Variants in ZNF318 observed in about 807,000 individuals in gnomAD.
The protein encoded by ZNF318 is zinc finger protein 318, also known as endocrine regulator.
A neutral mutation model predicts 124.2 loss-of-function variants in ZNF318; 51 were observed. That is an observed-to-expected ratio of 0.41 (90% confidence interval 0.33 to 0.52). The LOEUF is 0.52. ZNF318 is among the 20% of genes least tolerant of loss of function. The pLI is 0.23. For missense variants in ZNF318, 2,815 were observed against 2,811.2 expected (o/e 1.00, Z -0.03); for synonymous variants, 1,090 against 1,040.7 (o/e 1.05, Z -0.91).
At position 43,348,538 on chromosome 6, in the gene ZNF318, A is replaced by C. The variant is rs754154273; in HGVS notation, c.2858T>G (p.Met953Arg). 6.2e-7 allele frequency: 1 copy of C among 1,614,112 alleles called. No individual in the cohort carries two copies. The highest frequency in any genetic ancestry group is 8.5e-7 in the Non-Finnish European group (1 of 1,180,022). The change falls in exon 6 of 10, where the codon ATG (methionine) becomes AGG (arginine). Residue 953 changes from methionine to arginine, a missense_variant. Physicochemically the swap from Met to Arg is moderately conservative, Grantham distance 91 (BLOSUM62 -1). This residue lies in a region of ZNF318 where 1,377 missense variants were observed against 1,353.5 expected (regional missense o/e 1.02). Coordinates refer to ENST00000361428, the MANE Select transcript of ZNF318 (RefSeq NM_014345.3). ...VEVSRLQDNIMKDIAELRQEA... is the reference protein window; with the variant it reads ...VEVSRLQDNIRKDIAELRQEA... ...TTGCCGTAGCTCTGCAATGTCCTTC[A>C]TAATGTTATCCTGAAGCCGACTCAC...
Position 43,348,610 on chromosome 6 carries a change from T to C in ZNF318, c.2786A>G (p.Lys929Arg). The stretch of plus-strand genomic sequence containing the variant: ...GTGGCCATCCTTCTCCCTTCGTTTC[T>C]TGCGCAGCATTTCTCCTGAGCAATC... Reference protein sequence around the residue: ...LHKQQGEMLRKKRREKDGHKD... With the variant: ...LHKQQGEMLRRKRREKDGHKD... The change falls in exon 6 of 10, where the codon AAG (lysine) becomes AGG (arginine). Residue 929 changes from lysine (K) to arginine (R), a missense_variant. Around this residue, in one of 4 missense-constraint regions of ZNF318, gnomAD observed 1,377 missense variants for 1,353.5 expected, o/e 1.02. Coordinates refer to ENST00000361428, the MANE Select transcript of ZNF318 (RefSeq NM_014345.3). The C allele has an allele frequency of 1.9e-6, 3 of 1,613,862 alleles. No homozygotes were observed. The highest frequency in any genetic ancestry group is 2.5e-6 in the Non-Finnish European group (3 of 1,179,844).
intron 1 of ZNF318, among the ~76,000 whole-genome samples, chr6:43,366,761 A>G (rs190511305): frequency 2.4e-3 from 373 of 152,284 alleles, no homozygotes; most frequent in South Asian, 9.5e-3. Flanking sequence ...AGCTATGATC[A>G]CACCACTACA....
chr6:43,364,581 G>A (rs1264865955), intron 2 of ZNF318, among the ~76,000 whole-genome samples: 1 of 152,146 alleles, frequency 6.6e-6, no homozygotes, highest in Non-Finnish European at 1.5e-5. Context: ...TAACAGTCAT[G>A]GTCTCAGCTC....
chr6:43,368,832 G>T, intron 1 of ZNF318, 135 bp downstream of exon 1: 2 of 1,233,714 alleles, frequency 1.6e-6, no homozygotes, highest in Non-Finnish European at 2.0e-6. Context: ...CTCCAGGCTC[G>T]GCATCCCCGA....
In ZNF318 at chr6:43,338,021, T is replaced by C; in HGVS notation, c.5977A>G (p.Ile1993Val). Residue 1993 changes from isoleucine (I) to valine (V), a missense_variant, in exon 10 of 10, where the codon ATA (isoleucine) becomes GTA (valine). Ile to Val is a conservative substitution (Grantham distance 29). Coordinates refer to ENST00000361428, the MANE Select transcript of ZNF318 (RefSeq NM_014345.3). ...AAGTCTTCTAGGGCCTTGCTTTCTA[T>C]TGTCACTGTTAACTCTGGATGGACA... is the stretch of plus-strand genomic sequence containing the variant. ...QDVHPELTVT[I>V]ESKALEDFEA... The C allele has an allele frequency of 4.3e-6, 7 of 1,614,228 alleles. No homozygotes were observed. The highest frequency in any genetic ancestry group is 1.1e-5 in the South Asian group (1 of 91,090).
chr6:43,340,537 T>C (rs1351509311), intron 9 of ZNF318, 35 bp from the exon 10 acceptor site: 1 of 1,548,564 alleles, frequency 6.5e-7, no homozygotes, highest in East Asian at 2.3e-5. Context: ...CAAAAACTGG[T>C]GAAAATACAA....
rs370649269 is a variant in ZNF318, at chr6:43,355,054, C to A, written c.2280G>T (p.Gln760His). ...ACTGAGAGGCCCTTGGCATGTGAAA[C>A]TGAGATAAAGCAGCAGTGTGTGGAA... ...IRLPHTAALS[Q>H]FHMPRASQFA... Residue 760 changes from glutamine (Q) to histidine (H), a missense_variant, in exon 4 of 10, where the codon CAG becomes CAT. Coordinates refer to ENST00000361428, the MANE Select transcript of ZNF318 (RefSeq NM_014345.3). 1.1e-5 allele frequency: 18 copies of A among 1,613,928 alleles called. No homozygotes were observed. The highest frequency in any genetic ancestry group is 1.5e-5 in the Non-Finnish European group (18 of 1,179,948).
Position 43,338,062 on chromosome 6 carries a change from G to C in ZNF318, c.5936C>G (p.Ala1979Gly). 2 of 1,614,188 alleles carry C rather than the reference G, an allele frequency of 1.2e-6. No individual in the cohort carries two copies. The highest frequency in any genetic ancestry group is 1.7e-6 in the Non-Finnish European group (2 of 1,180,032). Residue 1979 changes from alanine to glycine, a missense_variant, in exon 10 of 10, where the codon GCA becomes GGA. Physicochemically the swap from Ala to Gly is moderately conservative, Grantham distance 60. Coordinates refer to ENST00000361428, the MANE Select transcript of ZNF318 (RefSeq NM_014345.3). ...TGGATGGACATCTTGTAGCTCCAGT[G>C]CTTCTGTTTTTGGTTTCTCTGGGCT... ...WESPEKPKTE[A>G]LELQDVHPEL...
At chr6:43,366,219 G>A (rs1166545533) in intron 1 of ZNF318, among the ~76,000 whole-genome samples, 1 of 151,958 alleles carries the variant, frequency 6.6e-6, no homozygotes. Flanking sequence ...GCAAAGAAAA[G>A]AACCACCTCA....
Position 43,340,237 on chromosome 6 carries a change from C to T in ZNF318, c.3761G>A (p.Gly1254Asp). 1 of 1,614,100 alleles carries T rather than the reference C, an allele frequency of 6.2e-7. No homozygotes were observed. Among genetic ancestry groups the T allele is most frequent in the Non-Finnish European group, 8.5e-7 (1 of 1,180,032 alleles). ...CTCTTCTTTTAACTGGAGTTTGATG[C>T]CAGTGTTCCTTTTATTTTCAGCTTT... ...PEKAENKRNT[G>D]IKLQLKEEVK... is the part of the protein sequence containing the mutation. The change falls in exon 10 of 10, where the codon GGC becomes GAC. Residue 1254 changes from glycine (G) to aspartate (D), a missense_variant. This residue lies in a region of ZNF318 where 500 missense variants were observed against 605.2 expected (regional missense o/e 0.83). Transcript: ENST00000361428.
chr6:43,359,304 C>A (rs963844992), intron 2 of ZNF318, among the ~76,000 whole-genome samples: 1 of 152,156 alleles, frequency 6.6e-6, no homozygotes, highest in Non-Finnish European at 1.5e-5. Context: ...GGTCTCAGAC[C>A]TTTGTGGCAT....
At chr6:43,343,440 T>C (rs1490884104) in intron 6 of ZNF318, among the ~76,000 whole-genome samples, 2 of 152,154 alleles carry the variant, frequency 1.3e-5, no homozygotes, top group African/African-American at 2.4e-5. Context: ...AAGTAGACTA[T>C]ACAACTACAC....
intron 5 of ZNF318, 115 bp downstream of exon 5, chr6:43,352,262 C>CTATTATTGCAACT: frequency 1.3e-6 from 1 of 781,696 alleles, no homozygotes; most frequent in Non-Finnish European, 2.1e-6. Flanking sequence ...AGTTTAATTA[C>CTATTATTGCAACT]GTCAAAAAAA....
chr6:43,337,828 G>A lies in ZNF318; in HGVS notation c.6170C>T (p.Ser2057Phe), dbSNP rs1779308059. ...GATTGGTTCGAAGTCAGCGGGATCG[G>A]AGGAATTACACCCTATAGGTGATAC... Reference protein sequence around the residue: ...NSVSPIGCNSSDPADFEPIPS... With the variant: ...NSVSPIGCNSFDPADFEPIPS... The change falls in exon 10 of 10, where the codon TCC (serine) becomes TTC (phenylalanine). Residue 2057 changes from serine to phenylalanine, a missense_variant. Around this residue, in one of 4 missense-constraint regions of ZNF318, gnomAD observed 927 missense variants for 820.6 expected, o/e 1.13. Transcript: ENST00000361428. 6.2e-7 allele frequency: 1 copy of A among 1,614,078 alleles called. No individual in the cohort carries two copies. The highest frequency in any genetic ancestry group is 1.7e-5 in the Admixed American group (1 of 60,006).
At chr6:43,359,954 G>A (rs1346537111) in intron 2 of ZNF318, among the ~76,000 whole-genome samples, 2 of 152,186 alleles carry the variant, frequency 1.3e-5, no homozygotes, top group African/African-American at 4.8e-5. Context: ...AGGTCTGTCA[G>A]CCATAAACAC....
Position 43,337,720 on chromosome 6 carries a change from T to G in ZNF318, c.6278A>C (p.Asn2093Thr). ...AGAAGGGATCCTAACACTCCTGGGA[T>G]TAGGTGAGTTTCGTTCACCCTCTGT... ...FETEGERNSP[N>T]PRSVRIPSPN... The change falls in exon 10 of 10, where the codon AAT (asparagine) becomes ACT (threonine). Residue 2093 changes from asparagine (N) to threonine (T), a missense_variant. Asn to Thr is a moderately conservative substitution (Grantham distance 65). This residue lies in a region of ZNF318 where 927 missense variants were observed against 820.6 expected (regional missense o/e 1.13). Transcript: ENST00000361428. 3.1e-6 allele frequency: 5 copies of G among 1,614,138 alleles called. No individual in the cohort carries two copies. The highest frequency in any genetic ancestry group is 3.4e-6 in the Non-Finnish European group (4 of 1,180,022).
At chr6:43,341,482 C>T (rs1392649929) in intron 8 of ZNF318, among the ~76,000 whole-genome samples, 1 of 151,978 alleles carries the variant, frequency 6.6e-6, no homozygotes, top group African/African-American at 2.4e-5. Context: ...GAAACCCCGT[C>T]TCTACTAAAA....
In ZNF318 at chr6:43,354,817, G is replaced by A. The variant is rs370967177; in HGVS notation, c.2517C>T (p.Pro839=). The change falls in exon 4 of 10, where the codon CCC becomes CCT. Residue 839 remains proline, a synonymous_variant. Coordinates refer to ENST00000361428, the MANE Select transcript of ZNF318 (RefSeq NM_014345.3). ...GCTTAGGCTTATCAGGAGTCACAGT[G>A]GGGATCACACGAAGATTGGGACGGC... ...TRSRPNLRVI[P]TVTPDKPKQK... is the part of the protein sequence containing the mutation. 42 of 1,614,114 alleles carry A rather than the reference G, an allele frequency of 2.6e-5. No homozygotes were observed. The highest frequency in any genetic ancestry group is 8.8e-5 in the South Asian group (8 of 91,090).
chr6:43,363,145 T>A (rs1486097036), intron 2 of ZNF318, among the ~76,000 whole-genome samples: 1 of 152,214 alleles, frequency 6.6e-6, no homozygotes, highest in Non-Finnish European at 1.5e-5. Context: ...TAATTAGTTC[T>A]ATCTGAAGCA....
Sources: gnomAD v4.1 joint callset for allele counts (sites outside exome capture counted in the v4.1 genomes callset) on GRCh38, gnomAD v4.1.1 for gene constraint, gnomAD v4.1.1 regional missense constraint, MANE v1.5 for transcripts, NCBI Gene and HGNC (gene_info 2026-07-23, HGNC 2026-07-21) for gene names.